Variants in ZNF33B observed in about 807,000 individuals in gnomAD.
The protein encoded by ZNF33B is zinc finger protein 33B.
Under a neutral mutation model 45.8 loss-of-function variants are expected in ZNF33B, and 29 were observed. That is an observed-to-expected ratio of 0.63 (90% confidence interval 0.47 to 0.86). ZNF33B has a LOEUF of 0.86. Ranked by LOEUF, ZNF33B falls within the 40% of genes least tolerant of loss-of-function variation. The pLI is 0.00. For synonymous variants in ZNF33B, 305 were observed against 307.8 expected, an observed-to-expected ratio of 0.99 and a Z score of 0.10; for missense variants, 831 against 909.9, an observed-to-expected ratio of 0.91 and a Z score of 1.12.
intron 4 of ZNF33B, among the ~76,000 whole-genome samples, chr10:42,617,222 G>T (rs1838366035): frequency 7.0e-6 from 1 of 142,180 alleles, no homozygotes; most frequent in Non-Finnish European, 1.5e-5. Context: ...TCCCACCTCA[G>T]CTTCCCAAGT....
At chr10:42,613,033 T>C (rs1213722678) in intron 4 of ZNF33B, among the ~76,000 whole-genome samples, 1 of 152,144 alleles carries the variant, frequency 6.6e-6, no homozygotes. Context: ...TCTAATTGCA[T>C]TACAAATGCA....
At chr10:42,628,596 T>A (rs1447265027) in intron 4 of ZNF33B, among the ~76,000 whole-genome samples, 1 of 152,232 alleles carries the variant, frequency 6.6e-6, no homozygotes, top group Non-Finnish European at 1.5e-5. Flanking sequence ...TCTAATAGTT[T>A]TCTTTGCTCT....
chr10:42,638,372 C>T (rs1839441444), intron 1 of ZNF33B, 102 bp downstream of exon 1: 1 of 331,928 alleles, frequency 3.0e-6, no homozygotes, highest in Non-Finnish European at 5.9e-6. Flanking sequence ...TCCGTGAGGT[C>T]CCCGGGACTC....
rs1357245813 is a variant in ZNF33B at position 42,594,015 on chromosome 10, C to T, written c.935G>A (p.Arg312Lys). ...DCGESGNNFR[R>K]KLCLSQLQKG... ...CTGAAGCTGTGACAGACACAATTTC[C>T]TCCTGAAATTATTCCCACTTTCACC... The change falls in exon 5 of 5, where the codon AGG (arginine) becomes AAG (lysine). Residue 312 changes from arginine (R) to lysine (K), a missense_variant. Coordinates refer to ENST00000359467, the MANE Select transcript of ZNF33B (RefSeq NM_006955.3). 1.9e-6 allele frequency: 3 copies of T among 1,614,040 alleles called. No individual in the cohort carries two copies. Among genetic ancestry groups the T allele is most frequent in the Non-Finnish European group, 1.7e-6 (2 of 1,179,960 alleles).
chr10:42,575,265 G>T (rs890293896), intron 1 of ZNF33B, among the ~76,000 whole-genome samples: 1 of 152,106 alleles, frequency 6.6e-6, no homozygotes, highest in African/African-American at 2.4e-5. Context: ...GCGTGGAGGT[G>T]GTTGGTTCAC....
intron 4 of ZNF33B, among the ~76,000 whole-genome samples, chr10:42,613,960 G>A (rs924114462): frequency 1.3e-5 from 2 of 152,216 alleles, no homozygotes; most frequent in African/African-American, 4.8e-5. Flanking sequence ...GTGACAGAAA[G>A]AAAGTGCTCT....
intron 2 of ZNF33B, 129 bp from the exon 3 acceptor site, chr10:42,632,568 TG>T: frequency 3.3e-6 from 4 of 1,230,678 alleles, no homozygotes; most frequent in Non-Finnish European, 4.4e-6. Flanking sequence ...AGAAATATTC[TG>T]CCATTAATGC....
rs2132041000 is a variant in ZNF33B at position 42,594,157 on chromosome 10, G to T, written c.793C>A (p.His265Asn). The T allele has an allele frequency of 6.2e-7, 1 of 1,613,824 alleles. No individual in the cohort carries two copies. Among genetic ancestry groups the T allele is most frequent in the Non-Finnish European group, 8.5e-7 (1 of 1,179,932 alleles). ...TFCDSSSLLF[H>N]QIPPSKDSHY... ...CTGTCCTTTGATGGAGGTATCTGAT[G>T]GAACAAGAGGGATGAACTATCACAG... Residue 265 changes from histidine to asparagine, a missense_variant, in exon 5 of 5, where the codon CAT (histidine) becomes AAT (asparagine). By Grantham distance (68) the His-to-Asn change is moderately conservative (BLOSUM62 1). Transcript: ENST00000359467.
At position 42,594,242 on chromosome 10, in the gene ZNF33B, T is replaced by C. The variant is rs1837293414; in HGVS notation, c.708A>G (p.Thr236=). Residue 236 remains threonine, a synonymous_variant, in exon 5 of 5, where the codon ACA becomes ACG. Coordinates refer to ENST00000359467, the MANE Select transcript of ZNF33B (RefSeq NM_006955.3). ...ETLLEKAVFN[T]RKRENAEENN... ...TCTCTTCTGCATTCTCTCTCTTCCG[T>C]GTATTGAATACTGCCTTTTCAAGGA... is the stretch of plus-strand genomic sequence containing the variant. 6.2e-7 allele frequency: 1 copy of C among 1,613,672 alleles called. No individual in the cohort carries two copies. The highest frequency in any genetic ancestry group is 1.3e-5 in the African/African-American group (1 of 74,914).
chr10:42,627,564 T>A (rs1460680555), intron 4 of ZNF33B, among the ~76,000 whole-genome samples: 3 of 152,210 alleles, frequency 2.0e-5, no homozygotes, highest in African/African-American at 7.2e-5. Flanking sequence ...TCCTTCTACT[T>A]AACAGAGGTT....
intron 4 of ZNF33B, among the ~76,000 whole-genome samples, chr10:42,597,726 A>G (rs1437756187): frequency 1.3e-5 from 2 of 152,146 alleles, no homozygotes; most frequent in Admixed American, 6.5e-5. Flanking sequence ...ATATTACTGC[A>G]CAATAAAAGT....
Position 42,622,959 on chromosome 10 carries a change from A to G in ZNF33B, c.250+8970T>C, listed in dbSNP as rs557284574. On this transcript the variant is annotated intron_variant, in intron 4 of 4. Coordinates refer to ENST00000359467, the MANE Select transcript of ZNF33B (RefSeq NM_006955.3). ...GATTCTTAACTATGACATAAAATGG[A>G]TAAGCAACAAAAGAAAGAGTAGGTA... Among the ~76,000 whole-genome samples the G allele has an allele frequency of 5.6e-4, 85 of 152,328 alleles. 4 individuals carry two copies. The South Asian group carries it at 0.017, about 30-fold the overall frequency.
At position 42,593,745 on chromosome 10, in the gene ZNF33B, A is replaced by T; in HGVS notation, c.1205T>A (p.Leu402Ter). The T allele has an allele frequency of 6.2e-7, 1 of 1,613,038 alleles. No individual in the cohort carries two copies. Among genetic ancestry groups the T allele is most frequent in the South Asian group, 1.1e-5 (1 of 91,036 alleles). ...CTCCCCTGTATGTGTTCTCTGGTGT[A>T]ATGTGAGGGCTGACTTATGGCTAAA... ...KAFSHKSALT[L>*]HQRTHTGEKP... The change falls in exon 5 of 5, where the codon TTA (leucine) becomes TAA (stop). Residue 402 changes from leucine (L) to a stop codon, truncating the protein, a stop_gained. Coordinates refer to ENST00000359467, the MANE Select transcript of ZNF33B (RefSeq NM_006955.3). LOFTEE classifies it high-confidence loss of function.
Position 42,592,784 on chromosome 10 carries a change from C to G in ZNF33B, c.2166G>C (p.Gln722His). 1 of 1,614,008 alleles carries G rather than the reference C, an allele frequency of 6.2e-7. No individual in the cohort carries two copies. Among genetic ancestry groups the G allele is most frequent in the East Asian group, 2.2e-5 (1 of 44,850 alleles). Reference protein sequence around the residue: ...HRAHTGEKSCQCNECGKIFYR... With the variant: ...HRAHTGEKSCHCNECGKIFYR... The stretch of plus-strand genomic sequence containing the variant: ...AAAAGATTTTTCCACATTCATTACA[C>G]TGACAAGATTTCTCTCCTGTGTGAG... The change falls in exon 5 of 5, where the codon CAG (glutamine) becomes CAC (histidine). Residue 722 changes from glutamine (Q) to histidine (H), a missense_variant. Transcript: ENST00000359467.
chr10:42,601,342 A>G (rs977098978), intron 4 of ZNF33B, among the ~76,000 whole-genome samples: 1 of 151,534 alleles, frequency 6.6e-6, no homozygotes, highest in Non-Finnish European at 1.5e-5. Context: ...ACATTTGGAA[A>G]TTTTTTCATT....
intron 1 of ZNF33B, chr10:42,579,841 C>A (rs1836799694): frequency 6.5e-6 from 1 of 154,382 alleles, no homozygotes; most frequent in Non-Finnish European, 1.5e-5. Flanking sequence ...AATCGGCAGT[C>A]TGGAGTCTAG....
At chr10:42,582,232 G>A (rs1197981757) in intron 1 of ZNF33B, 1 of 152,212 alleles carries the variant, frequency 6.6e-6, no homozygotes, top group Admixed American at 6.5e-5. Context: ...GCTCATAGGA[G>A]TCTCCTTATC....
At chr10:42,583,882 C>T (rs1401237480) in intron 1 of ZNF33B, among the ~76,000 whole-genome samples, 2 of 152,194 alleles carry the variant, frequency 1.3e-5, no homozygotes, top group African/African-American at 4.8e-5. Context: ...TAGATGTGGG[C>T]TCAGAACTGA....
intron 4 of ZNF33B, among the ~76,000 whole-genome samples, chr10:42,596,896 C>A (rs181195091): frequency 4.0e-5 from 6 of 151,896 alleles, no homozygotes; most frequent in African/African-American, 1.4e-4. Context: ...ATTTCTACTT[C>A]TTTTCCACTC....
Sources: gnomAD v4.1 joint callset for allele counts (sites outside exome capture counted in the v4.1 genomes callset) on GRCh38, gnomAD v4.1.1 for gene constraint, MANE v1.5 for transcripts, NCBI Gene and HGNC (gene_info 2026-07-23, HGNC 2026-07-21) for gene names.